The following CLTCL1 variants were observed in gnomAD, a reference collection of about 807,000 sequenced individuals.
CLTCL1 encodes clathrin heavy chain like 1.
CLTCL1 carries 159 observed loss-of-function variants against 190.0 expected under a neutral mutation model. That is an observed-to-expected ratio of 0.84 (90% CI 0.74 to 0.95). CLTCL1 has a LOEUF of 0.95. CLTCL1 is among the 40% of genes least tolerant of loss of function. The pLI is 0.00. For synonymous variants in CLTCL1, 752 were observed against 769.6 expected, an observed-to-expected ratio of 0.98 and a Z score of 0.38; for missense variants, 1,878 against 2,033.4, an observed-to-expected ratio of 0.92 and a Z score of 1.47.
At chr22:19,258,134 ACT>A in intron 2 of CLTCL1, 1 of 379,818 alleles carries the variant, frequency 2.6e-6, no homozygotes, top group Non-Finnish European at 5.1e-6. Context: ...AAAGATTGAG[ACT>A]CTCAAGGAGA....
At chr22:19,258,046 C>T in intron 2 of CLTCL1, 1 of 472,788 alleles carries the variant, frequency 2.1e-6, no homozygotes, top group Non-Finnish European at 4.1e-6. Context: ...TGGCCATGCA[C>T]CAGTTTGTGA....
chr22:19,211,584 C>T (rs1390754694), intron 19 of CLTCL1, among the ~76,000 whole-genome samples: 4 of 151,760 alleles, frequency 2.6e-5, no homozygotes, highest in African/African-American at 7.3e-5. Context: ...CTGGCTAACA[C>T]GGTAAAGCCC....
intron 2 of CLTCL1, among the ~76,000 whole-genome samples, chr22:19,274,763 CTT>C (rs1485346834): frequency 2.1e-5 from 3 of 139,800 alleles, no homozygotes; most frequent in Non-Finnish European, 4.6e-5. Flanking sequence ...GATTTTTGCT[CTT>C]GTTGTCCAGG....
In CLTCL1 at chr22:19,254,165, C is replaced by T. The variant is rs143629284; in HGVS notation, c.313G>A (p.Ala105Thr). 5,828 of 1,613,834 alleles carry T rather than the reference C, an allele frequency of 3.6e-3. 15 individuals carry two copies. The highest frequency in any genetic ancestry group is 4.5e-3 in the Non-Finnish European group (5,272 of 1,179,806). ...CATTTCCAGAAAATCACTTCTTCTG[C>T]CATAGTATGAGCCTTCATTTTACTC... ...MKSKMKAHTM[A>T]EEVIFWKWVS... Residue 105 changes from alanine (A) to threonine (T), a missense_variant, in exon 3 of 33, where the codon GCA becomes ACA. Ala to Thr is a moderately conservative substitution (Grantham distance 58). Transcript: ENST00000427926.
At chr22:19,288,805 T>G (rs569384463) in intron 1 of CLTCL1, among the ~76,000 whole-genome samples, 66 of 152,292 alleles carry the variant, frequency 4.3e-4, no homozygotes, top group Non-Finnish European at 8.5e-4. Flanking sequence ...TCCAAGCTCA[T>G]GCACAAGAGC....
intron 1 of CLTCL1, among the ~76,000 whole-genome samples, chr22:19,288,079 C>T (rs1555991150): frequency 6.6e-6 from 1 of 152,158 alleles, no homozygotes; most frequent in Non-Finnish European, 1.5e-5. Flanking sequence ...CGTGAATTAT[C>T]CCTCCTCTGC....
chr22:19,184,260 A>T (rs1362657869), intron 29 of CLTCL1: 1 of 331,352 alleles, frequency 3.0e-6, no homozygotes, highest in East Asian at 8.4e-5. Context: ...CAGGAACCTG[A>T]GACCCAGATG....
rs782131055 is a variant in CLTCL1 at position 19,183,585 on chromosome 22, C to T, written c.4632G>A (p.Ser1544=). The change falls in exon 30 of 33, where the codon TCG becomes TCA. Residue 1544 remains serine (S), a synonymous_variant. Coordinates refer to ENST00000427926, the MANE Select transcript of CLTCL1 (RefSeq NM_007098.4). ...ACTTCTGGGCCAGCTCAGCATCCCGCGACTCTGCAGCATGCTGCATGGCAT... is the reference window on the plus strand; with the variant it reads ...ACTTCTGGGCCAGCTCAGCATCCCGTGACTCTGCAGCATGCTGCATGGCAT... ...YKDAMQHAAE[S]RDAELAQKLL... is the part of the protein sequence containing the mutation. 3.8e-5 allele frequency: 61 copies of T among 1,613,676 alleles called. No homozygotes were observed. In the South Asian group the frequency reaches 4.4e-4, roughly 12 times the overall value.
chr22:19,197,212 TTACTC>T (rs1158125996), intron 24 of CLTCL1, among the ~76,000 whole-genome samples: 1 of 152,104 alleles, frequency 6.6e-6, no homozygotes, highest in Non-Finnish European at 1.5e-5. Flanking sequence ...CCCTTTCCCT[TTACTC>T]TAACGACCAC....
At position 19,229,941 on chromosome 22, in the gene CLTCL1, T is replaced by G; in HGVS notation, c.1679A>C (p.Gln560Pro). Residue 560 changes from glutamine (Q) to proline (P), a missense_variant, in exon 11 of 33, where the codon CAG becomes CCG. Coordinates refer to ENST00000427926, the MANE Select transcript of CLTCL1 (RefSeq NM_007098.4). The stretch of plus-strand genomic sequence containing the variant: ...ATCCAATAAGAAGGAAGTACACTGC[T>G]GAATTAAACTGTTTTCCATGAAAAT... The part of the protein sequence containing the change: ...VDIFMENSLI[Q>P]QCTSFLLDAL... The G allele has an allele frequency of 3.7e-6, 6 of 1,610,538 alleles. No homozygotes were observed. The highest frequency in any genetic ancestry group is 5.1e-6 in the Non-Finnish European group (6 of 1,178,548).
chr22:19,257,866 A>G, intron 2 of CLTCL1: 1 of 1,406,070 alleles, frequency 7.1e-7, no homozygotes, highest in Non-Finnish European at 9.5e-7. Context: ...AACCGGGAGC[A>G]CCTGGAGAAG....
intron 2 of CLTCL1, 33 bp from the exon 3 acceptor site, chr22:19,254,260 A>G: frequency 6.4e-7 from 1 of 1,557,328 alleles, no homozygotes; most frequent in Non-Finnish European, 8.8e-7. Context: ...TTAGAGAAAG[A>G]CAAATTAAAA....
chr22:19,211,654 C>A (rs2085224654), intron 19 of CLTCL1, among the ~76,000 whole-genome samples: 1 of 151,354 alleles, frequency 6.6e-6, no homozygotes, highest in South Asian at 2.1e-4. Flanking sequence ...GTAGTCCCAG[C>A]TACTGGGGAG....
intron 14 of CLTCL1, 80 bp downstream of exon 14, chr22:19,223,811 C>G: frequency 6.4e-7 from 1 of 1,555,968 alleles, no homozygotes; most frequent in Non-Finnish European, 8.8e-7. Context: ...GCTTCCTGCC[C>G]CTGGGACGTC....
chr22:19,183,596 C>T lies in CLTCL1; in HGVS notation c.4621G>A (p.Ala1541Thr). Residue 1541 changes from alanine to threonine, a missense_variant, in exon 30 of 33, where the codon GCT becomes ACT. Transcript: ENST00000427926. Reference sequence around the variant, plus strand: ...AGCTCAGCATCCCGCGACTCTGCAGCATGCTGCATGGCATCCTGCAGCCAA... The same window carrying T: ...AGCTCAGCATCCCGCGACTCTGCAGTATGCTGCATGGCATCCTGCAGCCAA... ...DHLYKDAMQH[A>T]AESRDAELAQ... is the part of the protein sequence containing the mutation. 3.1e-6 allele frequency: 5 copies of T among 1,613,566 alleles called. No individual in the cohort carries two copies. The highest frequency in any genetic ancestry group is 4.2e-6 in the Non-Finnish European group (5 of 1,179,852).
intron 5 of CLTCL1, among the ~76,000 whole-genome samples, chr22:19,236,181 C>A (rs1555962077): frequency 6.6e-6 from 1 of 152,164 alleles, no homozygotes; most frequent in African/African-American, 2.4e-5. Context: ...GCAATGCTTT[C>A]CTGAGACATG....
intron 2 of CLTCL1, among the ~76,000 whole-genome samples, chr22:19,270,784 A>T (rs1199989767): frequency 1.3e-5 from 2 of 152,052 alleles, no homozygotes; most frequent in East Asian, 3.9e-4. Context: ...TATACTTGAA[A>T]AAAGCAGACA....
At chr22:19,184,768 G>A (rs5748028) in intron 29 of CLTCL1, 218,513 of 335,892 alleles carry the variant, frequency 0.65, 73,555 homozygotes, top group African/African-American at 0.85. Context: ...TCCAGTAGAA[G>A]CAGCCCCCAG....
Position 19,217,911 on chromosome 22 carries a change from G to T in CLTCL1, c.2920-1655C>A, listed in dbSNP as rs145860131. On this transcript the variant is annotated intron_variant, in intron 18 of 32. Transcript: ENST00000427926. ...GGAGCAACTTAAATAAATACACACA[G>T]GTTGTTTTAAGGGCAAAAATAAATT... is the stretch of plus-strand genomic sequence containing the variant. Among the ~76,000 whole-genome samples, 1,421 of 151,522 alleles carry T rather than the reference G, an allele frequency of 9.4e-3. 34 individuals are homozygous for T. Among genetic ancestry groups the T allele is most frequent in the East Asian group, 0.068 (352 of 5,170 alleles).
Sources: gnomAD v4.1 joint callset for allele counts (sites outside exome capture counted in the v4.1 genomes callset) on GRCh38, gnomAD v4.1.1 for gene constraint, MANE v1.5 for transcripts, NCBI Gene and HGNC (gene_info 2026-07-23, HGNC 2026-07-21) for gene names.